The following RAB31 variants were observed in gnomAD, a reference collection of about 807,000 sequenced individuals.
The protein encoded by RAB31 is RAB31, member RAS oncogene family.
Under a neutral mutation model 25.6 loss-of-function variants are expected in RAB31, and 21 were observed. The ratio of observed to expected loss-of-function variants is 0.82; its 90% CI spans 0.58 to 1.18. The LOEUF (loss-of-function observed/expected upper bound fraction) is 1.18. Among genes scored for constraint, RAB31 ranks in the 50% most tolerant of loss-of-function variants. The probability of loss-of-function intolerance (pLI) is 0.00; values close to 1 mark genes in which losing one functional copy is unlikely to be tolerated. For synonymous variants in RAB31, 87 were observed against 84.0 expected, an observed-to-expected ratio of 1.04 and a Z score of -0.20; for missense variants, 196 against 250.1, an observed-to-expected ratio of 0.78 and a Z score of 1.46.
chr18:9,790,796 A>G (rs779831597), intron 2 of RAB31, among the ~76,000 whole-genome samples: 4 of 152,232 alleles, frequency 2.6e-5, no homozygotes, highest in Non-Finnish European at 5.9e-5. Flanking sequence ...AGAATGCTAT[A>G]TAGGTGATGT....
At chr18:9,761,583 G>A (rs1481794878) in intron 1 of RAB31, among the ~76,000 whole-genome samples, 1 of 152,126 alleles carries the variant, frequency 6.6e-6, no homozygotes, top group Admixed American at 6.5e-5. Context: ...GTGTTAGCTG[G>A]GCCTGCAGTC....
At chr18:9,807,682 A>T (rs1426593401) in intron 3 of RAB31, among the ~76,000 whole-genome samples, 1 of 152,184 alleles carries the variant, frequency 6.6e-6, no homozygotes, top group Non-Finnish European at 1.5e-5. Flanking sequence ...TTTTAAAAAA[A>T]CACTAATCCA....
At chr18:9,801,496 G>A (rs923421567) in intron 3 of RAB31, among the ~76,000 whole-genome samples, 3 of 151,980 alleles carry the variant, frequency 2.0e-5, no homozygotes, top group Non-Finnish European at 4.4e-5. Flanking sequence ...TTGGCCAGAT[G>A]TCTCAAACTC....
chr18:9,793,790 A>G (rs1242673764), intron 3 of RAB31, among the ~76,000 whole-genome samples: 1 of 152,076 alleles, frequency 6.6e-6, no homozygotes, highest in Non-Finnish European at 1.5e-5. Context: ...AATTGGTAGA[A>G]TTTTCCCTTG....
intron 3 of RAB31, among the ~76,000 whole-genome samples, chr18:9,809,653 G>T (rs915114284): frequency 6.6e-6 from 1 of 152,156 alleles, no homozygotes; most frequent in African/African-American, 2.4e-5. Flanking sequence ...AAGTCTAATT[G>T]CTGCTGGATA....
intron 1 of RAB31, among the ~76,000 whole-genome samples, chr18:9,735,838 A>G (rs2068148359): frequency 6.6e-6 from 1 of 152,184 alleles, no homozygotes; most frequent in South Asian, 2.1e-4. Context: ...CTTTGCCAAT[A>G]TGAAAACATG....
chr18:9,820,492 G>A (rs1431668379), intron 5 of RAB31, among the ~76,000 whole-genome samples: 3 of 151,908 alleles, frequency 2.0e-5, no homozygotes, highest in African/African-American at 7.2e-5. Context: ...TCTGGCCTTG[G>A]TATCAGGGCA....
chr18:9,745,949 G>A (rs1303583342), intron 1 of RAB31, among the ~76,000 whole-genome samples: 1 of 152,124 alleles, frequency 6.6e-6, no homozygotes, highest in African/African-American at 2.4e-5. Flanking sequence ...AGAAGTAAAC[G>A]GCATCTGAAT....
At chr18:9,744,187 T>C (rs1032252793) in intron 1 of RAB31, among the ~76,000 whole-genome samples, 1 of 152,226 alleles carries the variant, frequency 6.6e-6, no homozygotes. Flanking sequence ...AAACTATGCA[T>C]TGTGTAGAGC....
chr18:9,720,259 C>T (rs1332975947), intron 1 of RAB31, among the ~76,000 whole-genome samples: 1 of 152,212 alleles, frequency 6.6e-6, no homozygotes, highest in Non-Finnish European at 1.5e-5. Flanking sequence ...CCACCACACC[C>T]AGCCTGAAAT....
intron 3 of RAB31, among the ~76,000 whole-genome samples, chr18:9,805,907 G>A (rs2068538073): frequency 6.6e-6 from 1 of 152,028 alleles, no homozygotes; most frequent in South Asian, 2.1e-4. Context: ...GGGCGCAGTG[G>A]CTCACGCCTG....
At chr18:9,754,101 C>T (rs2068248930) in intron 1 of RAB31, among the ~76,000 whole-genome samples, 1 of 152,176 alleles carries the variant, frequency 6.6e-6, no homozygotes, top group African/African-American at 2.4e-5. Flanking sequence ...AAACAAAACT[C>T]CATCCTGTTG....
At chr18:9,821,482 G>A (rs1202448646) in intron 5 of RAB31, among the ~76,000 whole-genome samples, 2 of 151,878 alleles carry the variant, frequency 1.3e-5, no homozygotes, top group Non-Finnish European at 2.9e-5. Context: ...ATTTATGACA[G>A]TGATATCATA....
chr18:9,797,774 T>C (rs2143041175), intron 3 of RAB31, among the ~76,000 whole-genome samples: 1 of 152,366 alleles, frequency 6.6e-6, no homozygotes, highest in East Asian at 1.9e-4. Context: ...TGTGATTCTT[T>C]ATAACCTGCT....
chr18:9,756,813 C>T (rs140017470), intron 1 of RAB31, among the ~76,000 whole-genome samples: 92 of 152,342 alleles, frequency 6.0e-4, no homozygotes, highest in Non-Finnish European at 8.4e-4. Flanking sequence ...GTTTTGCTTT[C>T]CTCCAGTCCT....
intron 1 of RAB31, among the ~76,000 whole-genome samples, chr18:9,727,166 T>G (rs1599014023): frequency 6.6e-6 from 1 of 152,330 alleles, no homozygotes; most frequent in South Asian, 2.1e-4. Flanking sequence ...GCCCTTTGGC[T>G]TCTTCCAGCT....
At chr18:9,774,995 T>C (rs1466293650) in intron 1 of RAB31, 1 of 555,488 alleles carries the variant, frequency 1.8e-6, no homozygotes, top group Non-Finnish European at 3.4e-6. Flanking sequence ...TGAAAATACA[T>C]CCATAGTGAA....
chr18:9,812,287 C>T (rs547669863), intron 3 of RAB31, among the ~76,000 whole-genome samples: 1 of 152,148 alleles, frequency 6.6e-6, no homozygotes, highest in Non-Finnish European at 1.5e-5. Flanking sequence ...CCATTTACTC[C>T]CATAAACAGC....
rs16955729 is a variant in RAB31 at position 9,836,451 on chromosome 18, C to A, written c.381-9131C>A. On this transcript the variant is annotated intron_variant, in intron 5 of 6. Transcript: ENST00000578921. ...CAGTGTATATTTTATTGTGCCCTAG[C>A]TATAGTCATCTTGATACAGATTTCC... 1.1e-4 allele frequency among the ~76,000 whole-genome samples: 17 copies of A among 152,268 alleles called. No individual in the cohort carries two copies. In the East Asian group the frequency reaches 3.3e-3, roughly 29 times the overall value.
Sources: allele counts gnomAD v4.1 joint callset (sites outside exome capture counted in the v4.1 genomes callset), GRCh38; gene constraint gnomAD v4.1.1; transcripts MANE v1.5; gene names NCBI Gene and HGNC (gene_info 2026-07-23, HGNC 2026-07-21).